The following ZC2HC1B variants were observed in gnomAD, a reference collection of about 807,000 sequenced individuals.
ZC2HC1B encodes zinc finger C2HC-type containing 1B.
Under a neutral mutation model 31.0 loss-of-function variants are expected in ZC2HC1B, and 36 were observed. That is an observed-to-expected ratio of 1.16 (90% confidence interval 0.89 to 1.54). The LOEUF is 1.54. Among genes scored for constraint, ZC2HC1B ranks in the 40% most tolerant of loss-of-function variants. The pLI, the probability that ZC2HC1B is intolerant of heterozygous loss-of-function variation, is 0.00. For synonymous variants in ZC2HC1B, 73 were observed against 88.0 expected (o/e 0.83, Z 0.95); for missense variants, 260 against 268.6 (o/e 0.97, Z 0.22).
At position 143,934,032 on chromosome 6, in the gene ZC2HC1B, C is replaced by T. The variant is rs1778150890; in HGVS notation, c.599-3617C>T. ...TTGAGCTGGAGAATGGGACTGCCTACAAGGCTTGTCCCACTGCTGCTTCTA... is the reference window on the plus strand; with the variant it reads ...TTGAGCTGGAGAATGGGACTGCCTATAAGGCTTGTCCCACTGCTGCTTCTA... On this transcript the variant is annotated intron_variant, in intron 6 of 7. Coordinates refer to ENST00000237275, the MANE Select transcript of ZC2HC1B (RefSeq NM_001013623.3). This position sits in a 1 kb window ranked among gnomAD's most constrained non-coding sequence, Gnocchi z 4.6. 6.6e-6 allele frequency among the ~76,000 whole-genome samples: 1 copy of T among 152,212 alleles called. No individual in the cohort carries two copies. Among genetic ancestry groups the T allele is most frequent in the African/African-American group, 2.4e-5 (1 of 41,454 alleles).
rs1777358612 is a variant in ZC2HC1B, at chr6:143,872,880, G to A, written c.28+8313G>A. 6.6e-6 allele frequency among the ~76,000 whole-genome samples: 1 copy of A among 152,112 alleles called. No individual in the cohort carries two copies. On this transcript the variant is annotated intron_variant, in intron 1 of 7. Coordinates refer to ENST00000237275, the MANE Select transcript of ZC2HC1B (RefSeq NM_001013623.3). The surrounding 1 kb of genome is among the most constrained non-coding windows in gnomAD (Gnocchi z 5.5). The stretch of plus-strand genomic sequence containing the variant: ...AGATAAAATTCAAGTGGAGATTTGG[G>A]TAGGGACACAACCAAACCATATCAT...
In ZC2HC1B at chr6:143,927,986, T is replaced by C. The variant is rs867173676; in HGVS notation, c.599-9663T>C. Among the ~76,000 whole-genome samples the C allele has an allele frequency of 7.9e-5, 12 of 152,322 alleles. No individual in the cohort carries two copies. In the Middle Eastern group the frequency reaches 0.017, roughly 216 times the overall value. On this transcript the variant is annotated intron_variant, in intron 6 of 7. Transcript: ENST00000237275. The stretch of plus-strand genomic sequence containing the variant: ...CTCACTTCCTAATGCTTTTTGTTGT[T>C]GTTGACTTGTTTGAATTCCTTGTAG...
chr6:143,883,625 G>A lies in ZC2HC1B; in HGVS notation c.29-679G>A, dbSNP rs1777495909. On this transcript the variant is annotated intron_variant, in intron 1 of 7. Coordinates refer to ENST00000237275, the MANE Select transcript of ZC2HC1B (RefSeq NM_001013623.3). The surrounding 1 kb of genome is among the most constrained non-coding windows in gnomAD (Gnocchi z 4.1). ...TTGACTCCTGATGAACCAAAAGGAA[G>A]TAATACAAAAAACCTTTTTTCAGAA... is the stretch of plus-strand genomic sequence containing the variant. Among the ~76,000 whole-genome samples, 1 of 152,146 alleles carries A rather than the reference G, an allele frequency of 6.6e-6. No individual in the cohort carries two copies. Among genetic ancestry groups the A allele is most frequent in the South Asian group, 2.1e-4 (1 of 4,828 alleles).
chr6:143,866,565 A>T (rs1434004686), intron 1 of ZC2HC1B, among the ~76,000 whole-genome samples: 1 of 152,244 alleles, frequency 6.6e-6, no homozygotes, highest in African/African-American at 2.4e-5. Context: ...TAAGTGTCTG[A>T]AGTGCAGTTA....
At chr6:143,937,138 G>GTA (rs1562351295) in intron 6 of ZC2HC1B, among the ~76,000 whole-genome samples, 1 of 152,092 alleles carries the variant, frequency 6.6e-6, no homozygotes, top group Non-Finnish European at 1.5e-5. Flanking sequence ...ATAAACTTGT[G>GTA]TATCTCCATA....
rs1399276166 is a variant in ZC2HC1B, at chr6:143,903,171, T to A, written c.598+19T>A. ...AAGTCAGGTGAGTCAAAGCACGCAT[T>A]TCATCTCTCAAATGATGGGGGTCAG... On this transcript the variant is annotated intron_variant, in intron 6 of 7. Transcript: ENST00000237275. The surrounding 1 kb of genome is among the most constrained non-coding windows in gnomAD (Gnocchi z 4.3). 3 of 1,547,142 alleles carry A rather than the reference T, an allele frequency of 1.9e-6. No homozygotes were observed. The highest frequency in any genetic ancestry group is 2.6e-6 in the Non-Finnish European group (3 of 1,142,614).
chr6:143,910,085 C>G (rs1777840719), intron 6 of ZC2HC1B, among the ~76,000 whole-genome samples: 1 of 152,176 alleles, frequency 6.6e-6, no homozygotes, highest in Non-Finnish European at 1.5e-5. Flanking sequence ...AGCTGCATCC[C>G]AGAGATTCTG....
rs1177822841 is a variant in ZC2HC1B at position 143,883,673 on chromosome 6, CATG to C, written c.29-628_29-626del. ...GAATTTCATAATATTTTGCTTTTCT[CATG>C]ATACTTTTCCAATGTCATTAATTTA... On this transcript the variant is annotated intron_variant, in intron 1 of 7. Transcript: ENST00000237275. The surrounding 1 kb of genome is among the most constrained non-coding windows in gnomAD (Gnocchi z 4.1). Among the ~76,000 whole-genome samples the C allele has an allele frequency of 6.6e-6, 1 of 152,222 alleles. No individual in the cohort carries two copies. The highest frequency in any genetic ancestry group is 6.5e-5 in the Admixed American group (1 of 15,276).
chr6:143,878,494 G>A (rs1777433484), intron 1 of ZC2HC1B, among the ~76,000 whole-genome samples: 1 of 150,310 alleles, frequency 6.7e-6, no homozygotes, highest in African/African-American at 2.5e-5. Flanking sequence ...GGAAGGGGAG[G>A]GGAAAGGCTG....
chr6:143,869,447 C>T lies in ZC2HC1B; in HGVS notation c.28+4880C>T, dbSNP rs544135886. Among the ~76,000 whole-genome samples the T allele has an allele frequency of 9.2e-5, 14 of 152,306 alleles. No homozygotes were observed. The highest frequency in any genetic ancestry group is 3.1e-4 in the African/African-American group (13 of 41,560). ...GAGACCAGTGAATTCCATGAGCATG[C>T]GCCCACTGCTGCACTTCTTTATCTG... On this transcript the variant is annotated intron_variant, in intron 1 of 7. Coordinates refer to ENST00000237275, the MANE Select transcript of ZC2HC1B (RefSeq NM_001013623.3). The surrounding 1 kb of genome is among the most constrained non-coding windows in gnomAD (Gnocchi z 5.2).
chr6:143,868,794 A>C lies in ZC2HC1B; in HGVS notation c.28+4227A>C, dbSNP rs1317543052. Among the ~76,000 whole-genome samples the C allele has an allele frequency of 6.6e-6, 1 of 152,234 alleles. No homozygotes were observed. The highest frequency in any genetic ancestry group is 1.9e-4 in the East Asian group (1 of 5,194). On this transcript the variant is annotated intron_variant, in intron 1 of 7. Transcript: ENST00000237275. This position sits in a 1 kb window ranked among gnomAD's most constrained non-coding sequence, Gnocchi z 4.2. ...ATACAACTATCCTTAATACAACCAG[A>C]AATGCACCAATCCCCAACCCAAATA...
At chr6:143,904,371 T>G (rs1032404479) in intron 6 of ZC2HC1B, among the ~76,000 whole-genome samples, 4 of 152,160 alleles carry the variant, frequency 2.6e-5, no homozygotes, top group African/African-American at 7.2e-5. Context: ...TTGTGTGTGT[T>G]TTTTGTTTGT....
chr6:143,885,673 G>A lies in ZC2HC1B; in HGVS notation c.91-359G>A, dbSNP rs577603592. The stretch of plus-strand genomic sequence containing the variant: ...CACATTTTATACAGGTGGTACACAG[G>A]GAAAGCTCTGCATGTTAGCTCTTCA... On this transcript the variant is annotated intron_variant, in intron 2 of 7. Transcript: ENST00000237275. This position sits in a 1 kb window ranked among gnomAD's most constrained non-coding sequence, Gnocchi z 4.2. Among the ~76,000 whole-genome samples the A allele has an allele frequency of 6.6e-6, 1 of 152,232 alleles. No individual in the cohort carries two copies. The highest frequency in any genetic ancestry group is 2.4e-5 in the African/African-American group (1 of 41,532).
chr6:143,873,498 C>A (rs1777369207), intron 1 of ZC2HC1B, among the ~76,000 whole-genome samples: 1 of 152,268 alleles, frequency 6.6e-6, no homozygotes, highest in South Asian at 2.1e-4. Flanking sequence ...GATTTCCCTT[C>A]CTCACTGCCC....
At chr6:143,919,892 A>T (rs189336207) in intron 6 of ZC2HC1B, among the ~76,000 whole-genome samples, 204 of 152,280 alleles carry the variant, frequency 1.3e-3, no homozygotes, top group Non-Finnish European at 2.3e-3. Flanking sequence ...AGGGGAGACA[A>T]ATTCCTGGTG....
At chr6:143,874,979 C>G (rs1053394157) in intron 1 of ZC2HC1B, among the ~76,000 whole-genome samples, 1 of 152,092 alleles carries the variant, frequency 6.6e-6, no homozygotes, top group African/African-American at 2.4e-5. Flanking sequence ...ACTGCAGGTG[C>G]TCACCACCAC....
intron 1 of ZC2HC1B, among the ~76,000 whole-genome samples, chr6:143,875,043 G>C (rs1307899214): frequency 6.6e-6 from 1 of 152,062 alleles, no homozygotes; most frequent in Non-Finnish European, 1.5e-5. Flanking sequence ...ATATTGGCCA[G>C]GGTGGTCTCG....
At chr6:143,930,962 G>C (rs1285480356) in intron 6 of ZC2HC1B, among the ~76,000 whole-genome samples, 1 of 152,194 alleles carries the variant, frequency 6.6e-6, no homozygotes, top group African/African-American at 2.4e-5. Flanking sequence ...GGTGCTGTCA[G>C]TAGAGTGCTG....
rs1178161059 is a variant in ZC2HC1B, at chr6:143,887,975, C to T, written c.349+1154C>T. Among the ~76,000 whole-genome samples, 3 of 151,922 alleles carry T rather than the reference C, an allele frequency of 2.0e-5. No homozygotes were observed. Among genetic ancestry groups the T allele is most frequent in the East Asian group, 3.8e-4 (2 of 5,204 alleles). ...GTTGCCTGTGCTTTTGATGTCATAT[C>T]CAGAAATTAATCACCAAACCTACAT... On this transcript the variant is annotated intron_variant, in intron 4 of 7. Transcript: ENST00000237275. This position sits in a 1 kb window ranked among gnomAD's most constrained non-coding sequence, Gnocchi z 5.1.
Sources: gnomAD v4.1 joint callset for allele counts (sites outside exome capture counted in the v4.1 genomes callset) on GRCh38, gnomAD v4.1.1 for gene constraint, Gnocchi (gnomAD v3.1) non-coding constraint, MANE v1.5 for transcripts, NCBI Gene and HGNC (gene_info 2026-07-23, HGNC 2026-07-21) for gene names.